BBS9: variants seen among roughly 807,000 people sequenced by gnomAD.
BBS9 encodes the protein protein PTHB1.
A neutral mutation model predicts 117.7 loss-of-function variants in BBS9; 89 were observed. The ratio of observed to expected loss-of-function variants is 0.76; its 90% CI spans 0.64 to 0.90. BBS9 has a LOEUF of 0.90. Ranked by LOEUF, BBS9 falls within the 40% of genes least tolerant of loss-of-function variation. The pLI is 0.00. For synonymous variants in BBS9, 379 were observed against 370.9 expected (o/e 1.02, Z -0.25); for missense variants, 982 against 1,042.2 (o/e 0.94, Z 0.80).
intron 21 of BBS9, among the ~76,000 whole-genome samples, chr7:33,615,056 C>T (rs1865062155): frequency 6.6e-6 from 1 of 151,858 alleles, no homozygotes; most frequent in African/African-American, 2.4e-5. Flanking sequence ...GTTCAGATGC[C>T]AGCTGACTGC....
chr7:33,461,492 A>T (rs1839460970), intron 19 of BBS9, among the ~76,000 whole-genome samples: 1 of 151,844 alleles, frequency 6.6e-6, no homozygotes, highest in African/African-American at 2.4e-5. Flanking sequence ...AAAACTTTGG[A>T]TAATTTCCAT....
At chr7:33,321,053 C>A (rs1476933489) in intron 9 of BBS9, among the ~76,000 whole-genome samples, 1 of 151,792 alleles carries the variant, frequency 6.6e-6, no homozygotes, top group African/African-American at 2.4e-5. Context: ...CATTCATCTA[C>A]AGTGATGTTT....
rs1005732513 is a variant in BBS9, at chr7:33,390,294, T to G, written c.2115+2150T>G. The G allele has an allele frequency of 2.1e-5, 21 of 985,220 alleles. No individual in the cohort carries two copies. The African/African-American group carries it at 3.7e-4, about 17-fold the overall frequency. 61.0% of individuals were successfully genotyped at this position (985,220 alleles called of 1,614,324 possible). A position where few individuals can be genotyped will look rare whatever the true frequency, so the allele number is the denominator to read the frequency against. ...GAAGAGGATGCTTGATTTAATGCTT[T>G]CCAGATTTTCTATATAGTAAGACTT... On this transcript the variant is annotated intron_variant, in intron 19 of 22. Transcript: ENST00000242067.
At chr7:33,443,651 A>G (rs1836550878) in intron 19 of BBS9, among the ~76,000 whole-genome samples, 1 of 152,234 alleles carries the variant, frequency 6.6e-6, no homozygotes, top group Admixed American at 6.5e-5. Flanking sequence ...AAAGATGAAA[A>G]TAACTTGTTG....
chr7:33,492,443 C>G (rs1204612355), intron 19 of BBS9, among the ~76,000 whole-genome samples: 1 of 151,972 alleles, frequency 6.6e-6, no homozygotes, highest in Non-Finnish European at 1.5e-5. Flanking sequence ...TTACCAGAGC[C>G]CAGATTCAGT....
At chr7:33,616,623 T>C (rs551281618) in intron 21 of BBS9, among the ~76,000 whole-genome samples, 5 of 150,828 alleles carry the variant, frequency 3.3e-5, no homozygotes, top group African/African-American at 1.2e-4. Context: ...GGGCAAGAAA[T>C]AGAAAACAGT....
intron 9 of BBS9, among the ~76,000 whole-genome samples, chr7:33,332,188 C>T (rs1429198607): frequency 6.7e-6 from 1 of 148,472 alleles, no homozygotes; most frequent in Non-Finnish European, 1.5e-5. Context: ...CATACAAAAA[C>T]ATAAATTCAG....
intron 21 of BBS9, among the ~76,000 whole-genome samples, chr7:33,548,187 C>T (rs1306643151): frequency 6.6e-6 from 1 of 152,052 alleles, no homozygotes. Flanking sequence ...AATGTGGATA[C>T]TCAACAGTCT....
chr7:33,276,131 T>C (rs555320391), intron 9 of BBS9, among the ~76,000 whole-genome samples: 16 of 152,352 alleles, frequency 1.1e-4, no homozygotes, highest in African/African-American at 3.6e-4. Context: ...ACACAAAGTA[T>C]AGGATTAGAC....
intron 19 of BBS9, among the ~76,000 whole-genome samples, chr7:33,396,470 G>A (rs1029738352): frequency 6.6e-5 from 10 of 152,030 alleles, no homozygotes; most frequent in Non-Finnish European, 1.5e-4. Context: ...ATTGAAAATG[G>A]TGTATGTTTA....
chr7:33,534,400 C>T (rs1851054641), intron 21 of BBS9: 1 of 585,058 alleles, frequency 1.7e-6, no homozygotes, highest in Non-Finnish European at 3.0e-6. Context: ...TTTTTCTTCT[C>T]TCTGCTTTTA....
At chr7:33,268,935 G>C (rs1799284856) in intron 7 of BBS9, among the ~76,000 whole-genome samples, 1 of 152,200 alleles carries the variant, frequency 6.6e-6, no homozygotes, top group Non-Finnish European at 1.5e-5. Context: ...TCATGGGACT[G>C]ATATTCATGT....
chr7:33,565,036 T>C (rs1856638060), intron 21 of BBS9, among the ~76,000 whole-genome samples: 1 of 152,174 alleles, frequency 6.6e-6, no homozygotes, highest in Admixed American at 6.6e-5. Context: ...AAAATCTAGA[T>C]TCTACTTACT....
intron 16 of BBS9, among the ~76,000 whole-genome samples, chr7:33,364,345 C>T (rs1821239637): frequency 6.6e-6 from 1 of 151,980 alleles, no homozygotes. Flanking sequence ...TTTTTTTCTA[C>T]AGTTATGTGA....
intron 9 of BBS9, among the ~76,000 whole-genome samples, chr7:33,292,756 C>G (rs1028434491): frequency 6.6e-6 from 1 of 152,022 alleles, no homozygotes; most frequent in Non-Finnish European, 1.5e-5. Context: ...ACTTGCTCTC[C>G]CAGCACTTTG....
Position 33,482,639 on chromosome 7 carries a change from A to G in BBS9, c.2116-22824A>G, listed in dbSNP as rs551096693. On this transcript the variant is annotated intron_variant, in intron 19 of 22. Transcript: ENST00000242067. ...AAGCATTTCTTTCAATTTAAGAGTT[A>G]GCCTTAAATTTGTCTCCTGAAACTA... is the stretch of plus-strand genomic sequence containing the variant. Among the ~76,000 whole-genome samples the G allele has an allele frequency of 2.1e-3, 327 of 152,336 alleles. 1 individual carries two copies. Among genetic ancestry groups the G allele is most frequent in the African/African-American group, 7.4e-3 (308 of 41,572 alleles).
intron 19 of BBS9, among the ~76,000 whole-genome samples, chr7:33,411,283 T>C (rs1385030079): frequency 6.6e-6 from 1 of 152,286 alleles, no homozygotes; most frequent in Non-Finnish European, 1.5e-5. Flanking sequence ...AAACTAATTT[T>C]TCTTGATTGT....
At chr7:33,348,395 A>G (rs1482001521) in intron 12 of BBS9, among the ~76,000 whole-genome samples, 1 of 152,168 alleles carries the variant, frequency 6.6e-6, no homozygotes, top group South Asian at 2.1e-4. Context: ...CATTAATGTT[A>G]TTCATAATGT....
At chr7:33,281,101 A>C (rs1801798811) in intron 9 of BBS9, among the ~76,000 whole-genome samples, 1 of 151,406 alleles carries the variant, frequency 6.6e-6, no homozygotes, top group South Asian at 2.1e-4. Flanking sequence ...ATTTTCTTGT[A>C]TTTGTTATAA....
Sources: allele counts gnomAD v4.1 joint callset (sites outside exome capture counted in the v4.1 genomes callset), GRCh38; gene constraint gnomAD v4.1.1; transcripts MANE v1.5; gene names NCBI Gene and HGNC (gene_info 2026-07-23, HGNC 2026-07-21).